RSRC1: variants seen among roughly 807,000 people sequenced by gnomAD.
RSRC1 encodes the protein serine/Arginine-related protein 53.
RSRC1 carries 39 observed loss-of-function variants against 49.1 expected under a neutral mutation model. That is an observed-to-expected ratio of 0.79 (90% CI 0.61 to 1.04). RSRC1 has a LOEUF of 1.04. Ranked by LOEUF, RSRC1 falls within the 50% of genes least tolerant of loss-of-function variation. The pLI is 0.00. For synonymous variants in RSRC1, 143 were observed against 130.8 expected, an observed-to-expected ratio of 1.09 and a Z score of -0.63; for missense variants, 388 against 402.4, an observed-to-expected ratio of 0.96 and a Z score of 0.31.
chr3:158,531,150 C>T (rs1712377718), intron 7 of RSRC1, among the ~76,000 whole-genome samples: 1 of 151,126 alleles, frequency 6.6e-6, no homozygotes, highest in African/African-American at 2.4e-5. Flanking sequence ...TATGTCCCCT[C>T]TAGCTGGGGA....
At chr3:158,543,202 T>C (rs1348988276) in intron 8 of RSRC1, 133 bp from the exon 9 acceptor site, 2 of 553,502 alleles carry the variant, frequency 3.6e-6, no homozygotes, top group East Asian at 3.5e-5. Flanking sequence ...ATACAAAAAG[T>C]AGGGCCTTTT....
intron 4 of RSRC1, among the ~76,000 whole-genome samples, chr3:158,297,641 A>G (rs1289511598): frequency 1.3e-5 from 2 of 151,986 alleles, no homozygotes; most frequent in African/African-American, 4.8e-5. Flanking sequence ...GATGTGAGTT[A>G]TAGAATCTGG....
At chr3:158,534,618 A>G (rs1009411629) in intron 7 of RSRC1, among the ~76,000 whole-genome samples, 1 of 151,642 alleles carries the variant, frequency 6.6e-6, no homozygotes, top group African/African-American at 2.4e-5. Flanking sequence ...ATATAAAAAT[A>G]TGAAAATACA....
chr3:158,214,150 G>C (rs1365867027), intron 4 of RSRC1, among the ~76,000 whole-genome samples: 2 of 151,884 alleles, frequency 1.3e-5, no homozygotes, highest in African/African-American at 4.8e-5. Context: ...ATGTGTTACT[G>C]TGCTATTTTG....
chr3:158,124,284 CGGT>C (rs1180683366), intron 3 of RSRC1, among the ~76,000 whole-genome samples: 1 of 151,880 alleles, frequency 6.6e-6, no homozygotes, highest in Non-Finnish European at 1.5e-5. Flanking sequence ...TTTTTCAGCC[CGGT>C]GGTGGTAGCA....
intron 6 of RSRC1, among the ~76,000 whole-genome samples, chr3:158,375,417 G>C (rs1237232357): frequency 1.3e-5 from 2 of 150,594 alleles, no homozygotes; most frequent in Non-Finnish European, 3.0e-5. Context: ...CCCCAGGCTG[G>C]TCTCAAACTC....
intron 5 of RSRC1, among the ~76,000 whole-genome samples, chr3:158,331,410 C>G (rs1729537102): frequency 6.6e-6 from 1 of 152,090 alleles, no homozygotes; most frequent in Non-Finnish European, 1.5e-5. Context: ...TTGAATGAAG[C>G]TATTAACTTG....
chr3:158,444,143 A>G (rs912539909), intron 6 of RSRC1, among the ~76,000 whole-genome samples: 5 of 152,208 alleles, frequency 3.3e-5, no homozygotes, highest in Non-Finnish European at 7.4e-5. Flanking sequence ...TCTTCACAGA[A>G]TTGGAAAAAA....
At chr3:158,279,204 TTGAGCAGCAATGCAACCTAA>T (rs1208431676) in intron 4 of RSRC1, among the ~76,000 whole-genome samples, 1 of 152,230 alleles carries the variant, frequency 6.6e-6, no homozygotes, top group African/African-American at 2.4e-5. Flanking sequence ...TTTGTGTGCC[TTGAGCAGCAATGCAACCTAA>T]TGAGAGTGCC....
chr3:158,497,167 G>T (rs951938547), intron 7 of RSRC1, among the ~76,000 whole-genome samples: 2 of 151,800 alleles, frequency 1.3e-5, no homozygotes, highest in Non-Finnish European at 2.9e-5. Flanking sequence ...TTTTCATCTT[G>T]CAAAACTGAA....
chr3:158,164,882 AAGAT>A (rs1361749536), intron 3 of RSRC1, among the ~76,000 whole-genome samples: 3 of 152,212 alleles, frequency 2.0e-5, no homozygotes, highest in Non-Finnish European at 4.4e-5. Context: ...TTTATAAAAA[AAGAT>A]AGATGCACTA....
chr3:158,451,217 A>G (rs904016774), intron 6 of RSRC1, among the ~76,000 whole-genome samples: 1 of 151,882 alleles, frequency 6.6e-6, no homozygotes, highest in East Asian at 1.9e-4. Context: ...TTTTCTCCAT[A>G]CTAACAGCAT....
intron 4 of RSRC1, among the ~76,000 whole-genome samples, chr3:158,209,725 T>C (rs1469173414): frequency 6.6e-6 from 1 of 152,156 alleles, no homozygotes; most frequent in East Asian, 1.9e-4. Flanking sequence ...TCTTCCATTT[T>C]TCTTTGTATA....
intron 5 of RSRC1, among the ~76,000 whole-genome samples, chr3:158,301,593 T>G (rs1297925024): frequency 6.6e-6 from 1 of 152,206 alleles, no homozygotes; most frequent in East Asian, 1.9e-4. Context: ...GTTACTCATT[T>G]GTTCAGTCAT....
Position 158,267,858 on chromosome 3 carries a change from C to CTTTTTTTTT in RSRC1, c.495-30180_495-30179insTTTTTTTTT, listed in dbSNP as rs377128391. 3.5e-3 allele frequency among the ~76,000 whole-genome samples: 314 copies of CTTTTTTTTT among 90,916 alleles called. 7 individuals are homozygous for CTTTTTTTTT. The highest frequency in any genetic ancestry group is 7.7e-3 in the East Asian group (21 of 2,732). The allele number at this position is 90,916 out of a possible 152,430, so 59.6% of individuals were successfully genotyped here. ...TTTCTTATGCTGTTTGTTTCCATAT[C>CTTTTTTTTT]TATTTTTTTTTTTTTTTTTTGGCTT... On this transcript the variant is annotated intron_variant, in intron 4 of 9. Transcript: ENST00000611884.
intron 5 of RSRC1, among the ~76,000 whole-genome samples, chr3:158,313,658 A>G (rs892749693): frequency 2.0e-5 from 3 of 152,258 alleles, no homozygotes; most frequent in Non-Finnish European, 2.9e-5. Context: ...TATCTCATGC[A>G]TGGCAAAAAT....
At chr3:158,382,966 G>C (rs959619099) in intron 6 of RSRC1, among the ~76,000 whole-genome samples, 3 of 152,046 alleles carry the variant, frequency 2.0e-5, no homozygotes, top group Admixed American at 2.0e-4. Context: ...CACTGATTTT[G>C]ATGCCTTATT....
chr3:158,369,319 T>C (rs369322942), intron 6 of RSRC1, among the ~76,000 whole-genome samples: 8 of 152,116 alleles, frequency 5.3e-5, no homozygotes, highest in African/African-American at 1.9e-4. Flanking sequence ...TATGTGCACA[T>C]TGCCAAGAAG....
chr3:158,336,835 T>A (rs765200296), intron 5 of RSRC1: 2 of 152,212 alleles, frequency 1.3e-5, no homozygotes, highest in African/African-American at 4.8e-5. Context: ...ATATTCCTTA[T>A]GTTCGTCTTC....
Sources: allele counts gnomAD v4.1 joint callset (sites outside exome capture counted in the v4.1 genomes callset), GRCh38; gene constraint gnomAD v4.1.1; transcripts MANE v1.5; gene names NCBI Gene and HGNC (gene_info 2026-07-23, HGNC 2026-07-21).